The following DTNB variants were observed in gnomAD, a reference collection of about 807,000 sequenced individuals.
DTNB encodes DTN-B.
DTNB carries 63 observed loss-of-function variants against 90.7 expected under a neutral mutation model. The ratio of observed to expected loss-of-function variants is 0.69; its 90% CI spans 0.57 to 0.86. The LOEUF (loss-of-function observed/expected upper bound fraction) is 0.86, where lower values mean the gene tolerates loss of function less well. DTNB is among the 40% of genes least tolerant of loss of function. The pLI is 0.00. For synonymous variants in DTNB, 277 were observed against 286.7 expected (o/e 0.97, Z 0.34); for missense variants, 744 against 807.1 (o/e 0.92, Z 0.95).
At chr2:25,638,876 T>C in intron 3 of DTNB, 138 bp downstream of exon 3, 1 of 804,798 alleles carries the variant, frequency 1.2e-6, no homozygotes, top group Non-Finnish European at 1.7e-6. Flanking sequence ...GTTCTTCCAT[T>C]ACAAAGCTTA....
intron 9 of DTNB, among the ~76,000 whole-genome samples, chr2:25,531,068 A>G (rs1030309537): frequency 2.6e-5 from 4 of 152,250 alleles, no homozygotes; most frequent in African/African-American, 7.2e-5. Context: ...TACAAAAAAC[A>G]GCAAATTAAG....
intron 1 of DTNB, among the ~76,000 whole-genome samples, chr2:25,658,271 A>G (rs1297203528): frequency 1.3e-5 from 2 of 151,682 alleles, no homozygotes; most frequent in African/African-American, 4.9e-5. Context: ...AAAAAAAAAA[A>G]GAAAAAAAAA....
intron 8 of DTNB, among the ~76,000 whole-genome samples, chr2:25,533,940 T>A (rs2078790092): frequency 6.6e-6 from 1 of 151,156 alleles, no homozygotes; most frequent in African/African-American, 2.4e-5. Flanking sequence ...TTATTTTTAT[T>A]TTTATTTATT....
chr2:25,457,941 C>T (rs1221591777), intron 10 of DTNB, among the ~76,000 whole-genome samples: 1 of 152,104 alleles, frequency 6.6e-6, no homozygotes, highest in Non-Finnish European at 1.5e-5. Flanking sequence ...TCAAGCCATC[C>T]TCCTGCCTCA....
chr2:25,454,837 G>C (rs2059772589), intron 11 of DTNB, among the ~76,000 whole-genome samples: 1 of 152,160 alleles, frequency 6.6e-6, no homozygotes, highest in Non-Finnish European at 1.5e-5. Context: ...ATTATAATAT[G>C]AGAGGGTCTA....
chr2:25,428,010 G>C (rs929615640), intron 14 of DTNB: 1 of 162,598 alleles, frequency 6.2e-6, no homozygotes, highest in African/African-American at 2.4e-5. Context: ...GGGTCCAGTA[G>C]TAAGTACTTT....
intron 6 of DTNB, among the ~76,000 whole-genome samples, chr2:25,584,004 C>T (rs984833907): frequency 6.6e-6 from 1 of 152,118 alleles, no homozygotes; most frequent in African/African-American, 2.4e-5. Flanking sequence ...CTCTGTCTTC[C>T]ACCAACCACG....
intron 12 of DTNB, among the ~76,000 whole-genome samples, chr2:25,447,893 C>T (rs2058670284): frequency 6.6e-6 from 1 of 152,052 alleles, no homozygotes; most frequent in South Asian, 2.1e-4. Context: ...TCCAACTCTT[C>T]ACTTTGCACG....
intron 9 of DTNB, among the ~76,000 whole-genome samples, chr2:25,515,676 A>G (rs976226063): frequency 2.0e-5 from 3 of 152,014 alleles, no homozygotes; most frequent in African/African-American, 7.3e-5. Flanking sequence ...CAACCTCCCG[A>G]GCAATTCTCC....
chr2:25,487,943 T>C (rs1402543354), intron 9 of DTNB, among the ~76,000 whole-genome samples: 4 of 152,178 alleles, frequency 2.6e-5, no homozygotes, highest in African/African-American at 9.7e-5. Flanking sequence ...AACACCAATG[T>C]GACCATCACA....
intron 16 of DTNB, among the ~76,000 whole-genome samples, chr2:25,392,079 G>A (rs1034751339): frequency 3.9e-5 from 6 of 152,032 alleles, no homozygotes; most frequent in Admixed American, 3.9e-4. Context: ...AGAACTAAAT[G>A]AAACTGAAAC....
chr2:25,447,390 A>G (rs1013261496), intron 12 of DTNB, among the ~76,000 whole-genome samples: 4 of 146,244 alleles, frequency 2.7e-5, no homozygotes, highest in Non-Finnish European at 6.2e-5. Flanking sequence ...AATGTACCCA[A>G]AGTAAGTATA....
chr2:25,414,622 G>T (rs1297264401), intron 16 of DTNB, among the ~76,000 whole-genome samples: 2 of 152,090 alleles, frequency 1.3e-5, no homozygotes, highest in African/African-American at 4.8e-5. Flanking sequence ...AGTGCCTTGA[G>T]CAAAATCACT....
Position 25,531,474 on chromosome 2 carries a change from C to T in DTNB, c.1000G>A (p.Val334Ile), listed in dbSNP as rs79208578. ...PEKPLDLAHIVPPRPLTNMND... is the reference protein window; with the variant it reads ...PEKPLDLAHIIPPRPLTNMND... ...ATGCACATCCAGGGGTATACTTACACTATATGTGCAAGGTCAAGTGGTTTC... is the reference window on the plus strand; with the variant it reads ...ATGCACATCCAGGGGTATACTTACATTATATGTGCAAGGTCAAGTGGTTTC... The change falls in exon 9 of 21, where the codon GTT becomes ATT. Residue 334 changes from valine (V) to isoleucine (I), a missense_variant and splice_region_variant. Val to Ile is a conservative substitution (Grantham distance 29). Coordinates refer to ENST00000406818, the MANE Select transcript of DTNB (RefSeq NM_021907.5). The T allele has an allele frequency of 1.4e-3, 2,235 of 1,613,300 alleles. 4 individuals are homozygous for T. Among genetic ancestry groups the T allele is most frequent in the Non-Finnish European group, 1.7e-3 (2,008 of 1,179,702 alleles).
At chr2:25,605,809 C>T (rs1027993630) in intron 5 of DTNB, among the ~76,000 whole-genome samples, 2 of 152,038 alleles carry the variant, frequency 1.3e-5, no homozygotes, top group African/African-American at 4.8e-5. Flanking sequence ...TACTTTCATA[C>T]ATATTATCTT....
rs1012294057 is a variant in DTNB, at chr2:25,433,856, T to TA, written c.1343+53dup. On this transcript the variant is annotated intron_variant, in intron 13 of 20. Transcript: ENST00000406818. The stretch of plus-strand genomic sequence containing the variant: ...GTATCCAAGGAAAATGAGAATCAGA[T>TA]ACGCACGTGATAATCCTGGACTCTG... The TA allele has an allele frequency of 2.5e-6, 4 of 1,589,130 alleles. No individual in the cohort carries two copies. The African/African-American group carries it at 5.4e-5, about 21-fold the overall frequency.
At chr2:25,608,670 T>C (rs1223977261) in intron 4 of DTNB, among the ~76,000 whole-genome samples, 1 of 152,190 alleles carries the variant, frequency 6.6e-6, no homozygotes, top group Non-Finnish European at 1.5e-5. Context: ...ATACAGAGCT[T>C]TTACAGTGGA....
At chr2:25,563,978 T>C (rs529772584) in intron 8 of DTNB, among the ~76,000 whole-genome samples, 1 of 152,170 alleles carries the variant, frequency 6.6e-6, no homozygotes, top group Non-Finnish European at 1.5e-5. Flanking sequence ...CTCAGCTTAC[T>C]GCAAGCTCCG....
rs199630126 is a variant in DTNB, at chr2:25,420,243, A to ACTTGCTTT, written c.1555-716_1555-709dup. On this transcript the variant is annotated intron_variant, in intron 15 of 20. Transcript: ENST00000406818. ...ACATGTTGGAACTGTATCCCCGTCT[A>ACTTGCTTT]CTTGCTTTCAGGCACAGTCTTTTTT... Among the ~76,000 whole-genome samples, 1,110 of 135,568 alleles carry ACTTGCTTT rather than the reference A, an allele frequency of 8.2e-3. 6 individuals are homozygous for ACTTGCTTT. Among genetic ancestry groups the ACTTGCTTT allele is most frequent in the Non-Finnish European group, 0.013 (826 of 64,936 alleles). 88.9% of individuals were successfully genotyped at this position (135,568 alleles called of 152,430 possible). A position where few individuals can be genotyped will look rare whatever the true frequency, so the allele number is the denominator to read the frequency against.
Sources: gnomAD v4.1 joint callset for allele counts (sites outside exome capture counted in the v4.1 genomes callset) on GRCh38, gnomAD v4.1.1 for gene constraint, MANE v1.5 for transcripts, NCBI Gene and HGNC (gene_info 2026-07-23, HGNC 2026-07-21) for gene names.